ANKH: variants seen among roughly 807,000 people sequenced by gnomAD.
ANKH encodes the protein mineralization regulator ANKH.
A neutral mutation model predicts 49.0 loss-of-function variants in ANKH; 15 were observed. The observed-to-expected ratio is 0.31, with a 90% CI of 0.20 to 0.47. The LOEUF (loss-of-function observed/expected upper bound fraction) is 0.47, where lower values mean the gene tolerates loss of function less well. ANKH is among the 20% of genes least tolerant of loss of function. The pLI, the probability that ANKH is intolerant of heterozygous loss-of-function variation, is 1.00. For missense variants in ANKH, 429 were observed against 652.0 expected, an observed-to-expected ratio of 0.66 and a Z score of 3.72; for synonymous variants, 273 against 260.0, an observed-to-expected ratio of 1.05 and a Z score of -0.48.
chr5:14,834,343 C>T (rs1741593112), intron 1 of ANKH, among the ~76,000 whole-genome samples: 2 of 152,130 alleles, frequency 1.3e-5, no homozygotes, highest in African/African-American at 4.8e-5. Flanking sequence ...CCACAGAAGA[C>T]AATGCCTGTT....
intron 1 of ANKH, among the ~76,000 whole-genome samples, chr5:14,834,857 A>G (rs1741609284): frequency 6.6e-6 from 1 of 152,218 alleles, no homozygotes; most frequent in Non-Finnish European, 1.5e-5. Flanking sequence ...AGAAGATAAT[A>G]ACAGTGGCTG....
chr5:14,777,090 C>G (rs1479070554), intron 1 of ANKH, among the ~76,000 whole-genome samples: 1 of 152,034 alleles, frequency 6.6e-6, no homozygotes, highest in African/African-American at 2.4e-5. Context: ...GAGACCAGCC[C>G]GGCAAACATG....
At chr5:14,779,248 A>G (rs1159024181) in intron 1 of ANKH, among the ~76,000 whole-genome samples, 1 of 151,994 alleles carries the variant, frequency 6.6e-6, no homozygotes, top group East Asian at 1.9e-4. Flanking sequence ...CCCTGTTCAA[A>G]TCCACCATCT....
At position 14,705,447 on chromosome 5, in the gene ANKH, C is replaced by T. The variant is rs1736910971; in HGVS notation, c.*5750G>A. 6.6e-6 allele frequency: 1 copy of T among 152,168 alleles called. No individual in the cohort carries two copies. Among genetic ancestry groups the T allele is most frequent in the African/African-American group, 2.4e-5 (1 of 41,426 alleles). 9.4% of individuals were successfully genotyped at this position (152,168 alleles called of 1,614,324 possible). A position where few individuals can be genotyped will look rare whatever the true frequency, so the allele number is the denominator to read the frequency against. ...CTTAGCAATAATGGCTCAAGCCTCC[C>T]ATTGGACAGATGAGCAAGGTGAGGC... On this transcript the variant is annotated 3_prime_UTR_variant, in exon 12 of 12. Coordinates refer to ENST00000284268, the MANE Select transcript of ANKH (RefSeq NM_054027.6).
intron 1 of ANKH, among the ~76,000 whole-genome samples, chr5:14,835,661 T>A (rs529613288): frequency 6.6e-6 from 1 of 152,256 alleles, no homozygotes; most frequent in African/African-American, 2.4e-5. Context: ...GCTCTTTGTC[T>A]TCTGACAAAA....
rs1737162436 is a variant in ANKH, at chr5:14,711,006, A to G, written c.*191T>C. ...TACATAGCAACAGTAAAGACCATTCACTAGGTCCCCCCGTCAGTGTGAGCA... is the reference window on the plus strand; with the variant it reads ...TACATAGCAACAGTAAAGACCATTCGCTAGGTCCCCCCGTCAGTGTGAGCA... On this transcript the variant is annotated 3_prime_UTR_variant, in exon 12 of 12. Transcript: ENST00000284268. 4.8e-6 allele frequency: 3 copies of G among 629,050 alleles called. No individual in the cohort carries two copies. Among genetic ancestry groups the G allele is most frequent in the Non-Finnish European group, 8.6e-6 (3 of 347,222 alleles). The allele number at this position is 629,050 out of a possible 1,614,324, so 39.0% of individuals were successfully genotyped here. A position where few individuals can be genotyped will look rare whatever the true frequency, so the allele number is the denominator to read the frequency against.
In ANKH at chr5:14,708,332, A is replaced by C. The variant is rs1306055926; in HGVS notation, c.*2865T>G. ...TTTAGATTGTATTCATCCACAAGCAATCACTCAGTTTTGGAGAAAGTCACA... is the reference window on the plus strand; with the variant it reads ...TTTAGATTGTATTCATCCACAAGCACTCACTCAGTTTTGGAGAAAGTCACA... On this transcript the variant is annotated 3_prime_UTR_variant, in exon 12 of 12. Transcript: ENST00000284268. 6.6e-6 allele frequency: 1 copy of C among 152,234 alleles called. No homozygotes were observed. The highest frequency in any genetic ancestry group is 1.9e-4 in the East Asian group (1 of 5,204). 9.4% of individuals were successfully genotyped at this position (152,234 alleles called of 1,614,324 possible). A position where few individuals can be genotyped will look rare whatever the true frequency, so the allele number is the denominator to read the frequency against.
At chr5:14,786,056 A>AG (rs1351448593) in intron 1 of ANKH, among the ~76,000 whole-genome samples, 2 of 146,516 alleles carry the variant, frequency 1.4e-5, no homozygotes, top group East Asian at 3.9e-4. Flanking sequence ...AAAAAAAAAA[A>AG]AAAAAAAAAA....
chr5:14,751,941 T>G (rs1196368563), intron 4 of ANKH, among the ~76,000 whole-genome samples: 1 of 152,084 alleles, frequency 6.6e-6, no homozygotes, highest in Non-Finnish European at 1.5e-5. Context: ...TAGGCTACAT[T>G]TAACAAAGAA....
intron 1 of ANKH, among the ~76,000 whole-genome samples, chr5:14,854,218 A>G (rs1378102106): frequency 6.6e-6 from 1 of 152,222 alleles, no homozygotes; most frequent in Non-Finnish European, 1.5e-5. Flanking sequence ...CTGACAGAGA[A>G]TGTCCTGAAG....
rs547962709 is a variant in ANKH, at chr5:14,737,453, C to T, written c.1011+4374G>A. On this transcript the variant is annotated intron_variant, in intron 8 of 11. Transcript: ENST00000284268. This position sits in a 1 kb window ranked among gnomAD's most constrained non-coding sequence, Gnocchi z 5.0. The stretch of plus-strand genomic sequence containing the variant: ...TCACTGCTGCCTCAGCCTGTGGCTC[C>T]AGGAGTGTCTACCTAGAGAAGCACA... 1.2e-4 allele frequency among the ~76,000 whole-genome samples: 19 copies of T among 152,324 alleles called. No individual in the cohort carries two copies. The highest frequency in any genetic ancestry group is 4.6e-4 in the African/African-American group (19 of 41,568).
chr5:14,779,981 G>A (rs530493169), intron 1 of ANKH, among the ~76,000 whole-genome samples: 26 of 151,976 alleles, frequency 1.7e-4, no homozygotes, highest in Non-Finnish European at 3.5e-4. Flanking sequence ...GTTCCATTAT[G>A]GAGTCAAATC....
At chr5:14,866,541 A>C (rs1305814748) in intron 1 of ANKH, among the ~76,000 whole-genome samples, 1 of 152,248 alleles carries the variant, frequency 6.6e-6, no homozygotes, top group Non-Finnish European at 1.5e-5. Flanking sequence ...TAAACAGAAT[A>C]ACAATTCTTT....
chr5:14,741,601 G>A (rs1285195194), intron 8 of ANKH: 34 of 531,188 alleles, frequency 6.4e-5, no homozygotes, highest in Non-Finnish European at 8.8e-5. Flanking sequence ...TGCAGCATTT[G>A]AGAAGTCCCA....
chr5:14,753,483 T>A (rs1452393961), intron 4 of ANKH, among the ~76,000 whole-genome samples: 1 of 152,168 alleles, frequency 6.6e-6, no homozygotes, highest in African/African-American at 2.4e-5. Context: ...CACATTATGA[T>A]CTGACCAGCC....
At chr5:14,741,956 C>T (rs773380435) in intron 7 of ANKH, 34 bp from the exon 8 acceptor site, 22 of 1,558,798 alleles carry the variant, frequency 1.4e-5, no homozygotes, top group Middle Eastern at 1.7e-4. Flanking sequence ...TGAATGGGCC[C>T]GGCTTATCCT....
At chr5:14,867,853 A>T (rs1735697017) in intron 1 of ANKH, among the ~76,000 whole-genome samples, 1 of 152,206 alleles carries the variant, frequency 6.6e-6, no homozygotes, top group African/African-American at 2.4e-5. Context: ...GCCTATGTTT[A>T]ATATTAAAAG....
intron 1 of ANKH, among the ~76,000 whole-genome samples, chr5:14,810,160 CTT>C (rs35622899): frequency 4.8e-5 from 7 of 144,448 alleles, no homozygotes; most frequent in Non-Finnish European, 7.6e-5. Context: ...AAACGATTGA[CTT>C]TTTTTTTTTT....
At chr5:14,795,279 G>T (rs1740336773) in intron 1 of ANKH, among the ~76,000 whole-genome samples, 1 of 152,116 alleles carries the variant, frequency 6.6e-6, no homozygotes, top group East Asian at 1.9e-4. Flanking sequence ...AACAATGGTG[G>T]TAAAATCCAA....
Sources: gnomAD v4.1 joint callset for allele counts (sites outside exome capture counted in the v4.1 genomes callset) on GRCh38, gnomAD v4.1.1 for gene constraint, Gnocchi (gnomAD v3.1) non-coding constraint, MANE v1.5 for transcripts, NCBI Gene and HGNC (gene_info 2026-07-23, HGNC 2026-07-21) for gene names.